Variants in LRP5 observed in about 807,000 individuals in gnomAD.
The protein encoded by LRP5 is LDL receptor related protein 5, also known as low-density lipoprotein receptor-related protein 5.
Under a neutral mutation model 154.1 loss-of-function variants are expected in LRP5, and 62 were observed. The observed-to-expected ratio is 0.40, with a 90% CI of 0.33 to 0.50. The LOEUF (loss-of-function observed/expected upper bound fraction) is 0.50, where lower values mean the gene tolerates loss of function less well. LRP5 is among the 20% of genes least tolerant of loss of function. The pLI is 0.55. For synonymous variants in LRP5, 966 were observed against 1,011.5 expected, an observed-to-expected ratio of 0.96 and a Z score of 0.85; for missense variants, 1,915 against 2,336.7, an observed-to-expected ratio of 0.82 and a Z score of 3.72.
chr11:68,323,329 G>T (rs1448402747), intron 1 of LRP5, among the ~76,000 whole-genome samples: 1 of 151,968 alleles, frequency 6.6e-6, no homozygotes, highest in Non-Finnish European at 1.5e-5. Context: ...GGCTGGTCTC[G>T]AACTTCTGAC....
At chr11:68,305,111 T>C in the LRP5 span, among the ~76,000 whole-genome samples, 1 of 152,086 alleles carries the variant, frequency 6.6e-6, no homozygotes. Flanking sequence ...AAACCTCATG[T>C]TGAACTGTAA....
intron 5 of LRP5, among the ~76,000 whole-genome samples, chr11:68,374,097 C>T (rs2098635965): frequency 6.6e-6 from 1 of 152,194 alleles, no homozygotes; most frequent in Non-Finnish European, 1.5e-5. Context: ...GTTCGTCTGT[C>T]AGGGACAGGA....
chr11:68,300,873 C>T, the LRP5 span, among the ~76,000 whole-genome samples: 2 of 149,518 alleles, frequency 1.3e-5, no homozygotes, highest in African/African-American at 4.8e-5. Flanking sequence ...TTTATTTTTT[C>T]TTTACAGTGA....
chr11:68,442,209 A>T (rs1382907140), intron 21 of LRP5, among the ~76,000 whole-genome samples: 1 of 152,256 alleles, frequency 6.6e-6, no homozygotes. Flanking sequence ...GCCATCTTGC[A>T]TGACTTCCAT....
At position 68,351,286 on chromosome 11, in the gene LRP5, CA is replaced by C. The variant is rs1347084122; in HGVS notation, c.488+3044del. 6.6e-5 allele frequency among the ~76,000 whole-genome samples: 10 copies of C among 152,176 alleles called. No individual in the cohort carries two copies. In the East Asian group the frequency reaches 1.9e-3, roughly 30 times the overall value. ...CTCGCTGCCCTCCGAGTGGGCTAGC[CA>C]CCCCTGCAGCTGCCGGGGAGCCAGC... On this transcript the variant is annotated intron_variant, in intron 2 of 22. Coordinates refer to ENST00000294304, the MANE Select transcript of LRP5 (RefSeq NM_002335.4).
chr11:68,433,523 C>T (rs202193351), intron 17 of LRP5, 79 bp from the exon 18 acceptor site: 209 of 1,290,494 alleles, frequency 1.6e-4, no homozygotes, highest in Admixed American at 1.7e-4. Context: ...TCAACTTCTG[C>T]TTTGAAGCCC....
rs2098598056 is a variant in LRP5, at chr11:68,323,708, C to CG, written c.91+10903_91+10904insG. 2.6e-5 allele frequency among the ~76,000 whole-genome samples: 4 copies of CG among 152,360 alleles called. No homozygotes were observed. The South Asian group carries it at 6.2e-4, about 24-fold the overall frequency. On this transcript the variant is annotated intron_variant, in intron 1 of 22. Transcript: ENST00000294304. ...GTACTGGGATTATAGGCGTGAGCCA[C>CG]CGCGCCTGGCTACTTTGGTACTTTT...
At chr11:68,412,688 T>TC (rs1220371778) in intron 11 of LRP5, among the ~76,000 whole-genome samples, 3 of 150,608 alleles carry the variant, frequency 2.0e-5, no homozygotes, top group Non-Finnish European at 4.4e-5. Flanking sequence ...AGGCTCCAAG[T>TC]CCCCAGGCAC....
intron 1 of LRP5, among the ~76,000 whole-genome samples, chr11:68,322,710 G>A (rs533201476): frequency 1.3e-5 from 2 of 152,382 alleles, no homozygotes; most frequent in South Asian, 4.1e-4. Context: ...TCTGTCCAGG[G>A]AGCAGATCTT....
chr11:68,371,194 T>G (rs1484090666), intron 5 of LRP5, among the ~76,000 whole-genome samples: 1 of 152,222 alleles, frequency 6.6e-6, no homozygotes, highest in Non-Finnish European at 1.5e-5. Flanking sequence ...TAAACTCTTC[T>G]TAGAAGCATT....
intron 3 of LRP5, among the ~76,000 whole-genome samples, chr11:68,360,064 C>T (rs1326757070): frequency 6.6e-6 from 1 of 151,916 alleles, no homozygotes; most frequent in Non-Finnish European, 1.5e-5. Context: ...GCTGGGATTA[C>T]AGGCGTGAGC....
Position 68,438,449 on chromosome 11 carries a change from T to C in LRP5, c.4115T>C (p.Ile1372Thr), listed in dbSNP as rs769670788. The C allele has an allele frequency of 6.2e-7, 1 of 1,613,996 alleles. No individual in the cohort carries two copies. Among genetic ancestry groups the C allele is most frequent in the South Asian group, 1.1e-5 (1 of 91,086 alleles). ...IDGSDELMCEITKPPSDDSPA... is the reference protein window; with the variant it reads ...IDGSDELMCETTKPPSDDSPA... ...TCTTTCTGTTTGTCTCTGGCAGAAA[T>C]CACCAAGCCGCCCTCAGACGACAGC... Residue 1372 changes from isoleucine to threonine, a missense_variant, in exon 20 of 23, where the codon ATC becomes ACC. Around this residue, in one of 3 missense-constraint regions of LRP5, gnomAD observed 1,094 missense variants for 1,210.1 expected, o/e 0.90. Coordinates refer to ENST00000294304, the MANE Select transcript of LRP5 (RefSeq NM_002335.4).
In LRP5 at chr11:68,429,526, A is replaced by G. The variant is rs755208761; in HGVS notation, c.3638-49A>G. The G allele has an allele frequency of 5.6e-6, 9 of 1,612,484 alleles. No homozygotes were observed. The Admixed American group carries it at 1.5e-4, about 27-fold the overall frequency. On this transcript the variant is annotated intron_variant, in intron 16 of 22. Coordinates refer to ENST00000294304, the MANE Select transcript of LRP5 (RefSeq NM_002335.4). Reference sequence around the variant, plus strand: ...CCCTACCCTCCAGGCTGTGGTTCTGAGGTGGGAGACAGAGCCTGACCTCTG... The same window carrying G: ...CCCTACCCTCCAGGCTGTGGTTCTGGGGTGGGAGACAGAGCCTGACCTCTG...
Position 68,409,194 on chromosome 11 carries a change from ATTATAT to A in LRP5, c.2092-714_2092-709del, listed in dbSNP as rs922325977. On this transcript the variant is annotated intron_variant, in intron 9 of 22. Transcript: ENST00000294304. ...ATATATTTATAAATAAAATTTATAA[ATTATAT>A]TTATAAGTAAATATATAATATATAA... 6.5e-5 allele frequency among the ~76,000 whole-genome samples: 8 copies of A among 123,366 alleles called. No individual in the cohort carries two copies. In the East Asian group the frequency reaches 1.4e-3, roughly 22 times the overall value. 80.9% of individuals were successfully genotyped at this position (123,366 alleles called of 152,430 possible). A position where few individuals can be genotyped will look rare whatever the true frequency, so the allele number is the denominator to read the frequency against.
the LRP5 span, among the ~76,000 whole-genome samples, chr11:68,299,516 G>T: frequency 6.6e-6 from 1 of 151,300 alleles, no homozygotes; most frequent in African/African-American, 2.4e-5. Context: ...GCAGGGTGGA[G>T]TGCTCAGTGT....
intron 3 of LRP5, among the ~76,000 whole-genome samples, chr11:68,358,068 G>A (rs1348817631): frequency 6.6e-6 from 1 of 152,022 alleles, no homozygotes; most frequent in South Asian, 2.1e-4. Context: ...ATTCTAAGTA[G>A]GGCAGAAAAG....
chr11:68,378,018 G>A (rs771166470), intron 5 of LRP5, among the ~76,000 whole-genome samples: 1 of 152,218 alleles, frequency 6.6e-6, no homozygotes, highest in Non-Finnish European at 1.5e-5. Flanking sequence ...CCTGTGGCCT[G>A]GGAGCTGCAC....
At chr11:68,434,223 A>G (rs992726850) in intron 18 of LRP5, among the ~76,000 whole-genome samples, 1 of 152,048 alleles carries the variant, frequency 6.6e-6, no homozygotes. Flanking sequence ...AGTGGTTTCT[A>G]TCAACATGTA....
intron 21 of LRP5, 68 bp from the exon 22 acceptor site, chr11:68,446,368 G>C (rs1032323198): frequency 1.9e-6 from 2 of 1,076,596 alleles, no homozygotes; most frequent in African/African-American, 3.1e-5. Context: ...AGCCCGAGGG[G>C]TGTGGGAGGA....
Sources: gnomAD v4.1 joint callset for allele counts (sites outside exome capture counted in the v4.1 genomes callset) on GRCh38, gnomAD v4.1.1 for gene constraint, gnomAD v4.1.1 regional missense constraint, MANE v1.5 for transcripts, NCBI Gene and HGNC (gene_info 2026-07-23, HGNC 2026-07-21) for gene names.